Variants in EML1 observed in about 807,000 individuals in gnomAD.
EML1 encodes echinoderm microtubule-associated protein-like 1.
EML1 carries 27 observed loss-of-function variants against 110.4 expected under a neutral mutation model. The observed-to-expected ratio is 0.24, with a 90% CI of 0.18 to 0.34. The LOEUF (loss-of-function observed/expected upper bound fraction) is 0.34, where lower values mean the gene tolerates loss of function less well. EML1 is among the 10% of genes least tolerant of loss of function. The pLI, the probability that EML1 is intolerant of heterozygous loss-of-function variation, is 1.00. For missense variants in EML1, 741 were observed against 1,030.9 expected (o/e 0.72, Z 3.85); for synonymous variants, 344 against 385.8 (o/e 0.89, Z 1.27).
intron 1 of EML1, among the ~76,000 whole-genome samples, chr14:99,754,795 C>A (rs1268685892): frequency 6.6e-6 from 1 of 152,128 alleles, no homozygotes; most frequent in Non-Finnish European, 1.5e-5. Context: ...CTATGGAGCC[C>A]ACGCAGTGCT....
chr14:99,932,070 T>TGGGTG (rs2060380353), intron 17 of EML1, among the ~76,000 whole-genome samples: 1 of 152,030 alleles, frequency 6.6e-6, no homozygotes, highest in African/African-American at 2.4e-5. Context: ...CGTGGAAACC[T>TGGGTG]GGGTGGGGTG....
chr14:99,904,462 T>C (rs1381968553), intron 9 of EML1, among the ~76,000 whole-genome samples: 1 of 152,214 alleles, frequency 6.6e-6, no homozygotes, highest in Non-Finnish European at 1.5e-5. Flanking sequence ...TATAAAACAG[T>C]TTTTATTTCC....
chr14:99,742,063 A>T (rs994222425), intron 1 of EML1, among the ~76,000 whole-genome samples: 1 of 152,022 alleles, frequency 6.6e-6, no homozygotes, highest in Non-Finnish European at 1.5e-5. Context: ...AGTATTAGCC[A>T]TCCACAGGCC....
At chr14:99,921,334 T>G (rs961569487) in intron 17 of EML1, among the ~76,000 whole-genome samples, 1 of 152,204 alleles carries the variant, frequency 6.6e-6, no homozygotes, top group Non-Finnish European at 1.5e-5. Flanking sequence ...GATGGGCATT[T>G]GGGTTGATTC....
chr14:99,806,740 C>T (rs975748647), intron 1 of EML1, among the ~76,000 whole-genome samples: 2 of 152,196 alleles, frequency 1.3e-5, no homozygotes, highest in African/African-American at 4.8e-5. Flanking sequence ...CTGCCCTTCA[C>T]ACCCAAGCAC....
At position 99,793,422 on chromosome 14, in the gene EML1, T is replaced by C; in HGVS notation, c.-55T>C. On this transcript the variant is annotated 5_prime_UTR_variant, in exon 1 of 22. Coordinates refer to ENST00000262233, the MANE Select transcript of EML1 (RefSeq NM_004434.3). ...CGGTCGGGCTCAGCTCAGTGTGTGG[T>C]GAGCGGCGGCGGCGCGGCCGGGCCG... 8 of 1,023,406 alleles carry C rather than the reference T, an allele frequency of 7.8e-6. No homozygotes were observed. Among genetic ancestry groups the C allele is most frequent in the Non-Finnish European group, 8.2e-6 (7 of 855,854 alleles). 63.4% of individuals were successfully genotyped at this position (1,023,406 alleles called of 1,614,324 possible).
At chr14:99,767,799 C>T (rs910197326) in intron 1 of EML1, among the ~76,000 whole-genome samples, 1 of 152,176 alleles carries the variant, frequency 6.6e-6, no homozygotes, top group African/African-American at 2.4e-5. Context: ...CTGCTTTCCT[C>T]AAGGCCTCCC....
intron 1 of EML1, among the ~76,000 whole-genome samples, chr14:99,820,703 A>C (rs74084770): frequency 0.011 from 1,624 of 152,284 alleles, 34 homozygotes; most frequent in African/African-American, 0.037. Flanking sequence ...GGCAGGTTCC[A>C]AATTGAAGCT....
At chr14:99,737,859 C>T (rs899076724) in exon 1 of EML1, 23 of 1,289,110 alleles carry the variant, frequency 1.8e-5, no homozygotes, top group Admixed American at 9.2e-5. Flanking sequence ...GCCCCTCCGC[C>T]GGTGAGTGGC....
At chr14:99,885,764 AG>A (rs771924070) in intron 4 of EML1, 16 of 379,528 alleles carry the variant, frequency 4.2e-5, no homozygotes, top group Non-Finnish European at 6.3e-5. Flanking sequence ...TGAAAGGAGG[AG>A]GAAGAGGGAA....
intron 17 of EML1, among the ~76,000 whole-genome samples, chr14:99,927,304 C>T (rs959228423): frequency 1.3e-5 from 2 of 152,126 alleles, no homozygotes; most frequent in African/African-American, 4.8e-5. Context: ...GAAACTGGCT[C>T]GTTTGTCCTG....
chr14:99,739,494 T>C (rs983052134), intron 1 of EML1, among the ~76,000 whole-genome samples: 3 of 152,176 alleles, frequency 2.0e-5, no homozygotes, highest in African/African-American at 7.2e-5. Context: ...GACGTGGGCC[T>C]CACCATCCCT....
At chr14:99,809,472 G>A (rs2058037761) in intron 1 of EML1, 1 of 353,012 alleles carries the variant, frequency 2.8e-6, no homozygotes, top group South Asian at 2.2e-5. Context: ...AGTAAGGGAT[G>A]AGACAGCATG....
chr14:99,774,991 G>C (rs2057466062), intron 1 of EML1, among the ~76,000 whole-genome samples: 1 of 152,002 alleles, frequency 6.6e-6, no homozygotes, highest in Non-Finnish European at 1.5e-5. Context: ...CCAGTGATCA[G>C]AAAAAAAGCT....
chr14:99,832,052 C>A (rs1441743583), intron 1 of EML1, among the ~76,000 whole-genome samples: 1 of 152,022 alleles, frequency 6.6e-6, no homozygotes, highest in Non-Finnish European at 1.5e-5. Flanking sequence ...GCCCTCCCTG[C>A]CCCCCTCCAC....
intron 6 of EML1, among the ~76,000 whole-genome samples, chr14:99,896,328 C>T (rs1294187439): frequency 6.6e-6 from 1 of 151,012 alleles, no homozygotes; most frequent in Non-Finnish European, 1.5e-5. Flanking sequence ...TTTAAAATTA[C>T]CACCTGTACC....
At chr14:99,899,155 T>G (rs2059719454) in intron 8 of EML1, among the ~76,000 whole-genome samples, 1 of 151,466 alleles carries the variant, frequency 6.6e-6, no homozygotes, top group Middle Eastern at 3.4e-3. Flanking sequence ...TGATATCTAC[T>G]TTTATATAGC....
In EML1 at chr14:99,910,266, C is replaced by G; in HGVS notation, c.1264C>G (p.Leu422Val). Residue 422 changes from leucine (L) to valine (V), a missense_variant, in exon 12 of 22, where the codon CTC becomes GTC. Physicochemically the swap from Leu to Val is conservative, Grantham distance 32. Transcript: ENST00000262233. ...FEKQEKPKFVLCVTFSENGDT... is the reference protein window; with the variant it reads ...FEKQEKPKFVVCVTFSENGDT... ...GAAACAAGAAAAGCCAAAGTTTGTC[C>G]TCTGTGTGACTTTCTCTGAAAACGG... The G allele has an allele frequency of 6.2e-7, 1 of 1,611,904 alleles. No individual in the cohort carries two copies. Among genetic ancestry groups the G allele is most frequent in the Non-Finnish European group, 8.5e-7 (1 of 1,179,218 alleles).
At chr14:99,768,559 ACAGGCC>A (rs2057390978), upstream of EML1, among the ~76,000 whole-genome samples, 1 of 152,184 alleles carries the variant, frequency 6.6e-6, no homozygotes, top group Non-Finnish European at 1.5e-5. Context: ...GGTAAGGCAG[ACAGGCC>A]CAGGGCCAGG....
Sources: allele counts gnomAD v4.1 joint callset (sites outside exome capture counted in the v4.1 genomes callset), GRCh38; gene constraint gnomAD v4.1.1; transcripts MANE v1.5; gene names NCBI Gene and HGNC (gene_info 2026-07-23, HGNC 2026-07-21).